XK: variants seen among roughly 807,000 people sequenced by gnomAD.
XK encodes endoplasmic reticulum membrane adapter protein XK.
XK carries 2 observed loss-of-function variants against 14.0 expected under a neutral mutation model. The ratio of observed to expected loss-of-function variants is 0.14; its 90% CI spans 0.06 to 0.45. The LOEUF (loss-of-function observed/expected upper bound fraction) is 0.45. Among genes scored for constraint, XK ranks in the 20% least tolerant of loss-of-function variants. The pLI is 0.98. For synonymous variants in XK, 149 were observed against 147.5 expected, an observed-to-expected ratio of 1.01 and a Z score of -0.08; for missense variants, 235 against 341.5, an observed-to-expected ratio of 0.69 and a Z score of 2.46.
chrX:37,710,080 C>T lies in XK; in HGVS notation c.508+15532C>T, dbSNP rs148010646. Among the ~76,000 whole-genome samples, 601 of 112,251 alleles carry T rather than the reference C, an allele frequency of 5.4e-3. 7 individuals are homozygous for T. The highest frequency in any genetic ancestry group is 0.019 in the African/African-American group (580 of 30,902). The stretch of plus-strand genomic sequence containing the variant: ...ACCAGACTTTCTGTTGCCTGTCACC[C>T]AATAGGGACTAGATTTCTGTAAACC... On this transcript the variant is annotated intron_variant, in intron 2 of 2. Coordinates refer to ENST00000378616, the MANE Select transcript of XK (RefSeq NM_021083.4).
intron 1 of XK, among the ~76,000 whole-genome samples, chrX:37,688,888 A>G (rs782143490): frequency 8.9e-6 from 1 of 111,984 alleles, no homozygotes; most frequent in Non-Finnish European, 1.9e-5. Context: ...GAGTGATAAT[A>G]TCCTGGAAAA....
chrX:37,702,532 A>G lies in XK; in HGVS notation c.508+7984A>G, dbSNP rs782481235. Among the ~76,000 whole-genome samples the G allele has an allele frequency of 2.3e-3, 258 of 112,155 alleles. 1 individual carries two copies. The highest frequency in any genetic ancestry group is 3.9e-3 in the Non-Finnish European group (209 of 53,244). ...ATGAGCTGGTAGCATTTGAAAATCA[A>G]TAACATTTTACCTGAAAGTCTGGAT... On this transcript the variant is annotated intron_variant, in intron 2 of 2. Coordinates refer to ENST00000378616, the MANE Select transcript of XK (RefSeq NM_021083.4).
intron 2 of XK, among the ~76,000 whole-genome samples, chrX:37,698,400 T>C (rs1427992183): frequency 9.2e-6 from 1 of 109,190 alleles, no homozygotes; most frequent in Non-Finnish European, 1.9e-5. Context: ...CCCAGGAGTT[T>C]GAGACCACCC....
intron 1 of XK, among the ~76,000 whole-genome samples, chrX:37,693,064 C>T (rs1556441750): frequency 9.0e-6 from 1 of 111,245 alleles, no homozygotes; most frequent in Non-Finnish European, 1.9e-5. Flanking sequence ...TTGAGCTCAC[C>T]AGAAAGGTTC....
At chrX:37,727,063 A>G (rs1257458675) in intron 2 of XK, among the ~76,000 whole-genome samples, 3 of 111,749 alleles carry the variant, frequency 2.7e-5, no homozygotes, top group Non-Finnish European at 5.7e-5. Flanking sequence ...AAAGGACTCT[A>G]CATATTCAGA....
At chrX:37,708,144 G>A (rs935194862) in intron 2 of XK, among the ~76,000 whole-genome samples, 9 of 112,205 alleles carry the variant, frequency 8.0e-5, no homozygotes, top group African/African-American at 1.9e-4. Flanking sequence ...GCAGTGAGCC[G>A]AGATGGCAGC....
In XK at chrX:37,730,200, A is replaced by G. The variant is rs1246584709; in HGVS notation, c.*1738A>G. 1 of 111,730 alleles carries G rather than the reference A, an allele frequency of 9.0e-6. No individual in the cohort carries two copies. The highest frequency in any genetic ancestry group is 1.9e-5 in the Non-Finnish European group (1 of 53,119). The allele number at this position is 111,730 out of a possible 1,213,427, so 9.2% of individuals were successfully genotyped here. On this transcript the variant is annotated 3_prime_UTR_variant, in exon 3 of 3. Coordinates refer to ENST00000378616, the MANE Select transcript of XK (RefSeq NM_021083.4). ...CCAAATAAGAATAACACTCAAGACT[A>G]TGTTCTCCATCCCAACACATCACTT... is the stretch of plus-strand genomic sequence containing the variant.
chrX:37,690,578 T>A (rs1238983384), intron 1 of XK, among the ~76,000 whole-genome samples: 1 of 111,459 alleles, frequency 9.0e-6, no homozygotes, highest in Admixed American at 9.5e-5. Flanking sequence ...TTATCTACAT[T>A]GGGGTTAGCA....
chrX:37,728,117 C>T lies in XK; in HGVS notation c.990C>T (p.Ile330=), dbSNP rs1556450474. The part of the protein sequence containing the change: ...YYMIRFIENA[I]LLLLWYLFKT... ...TGATAAGATTCATCGAGAATGCCAT[C>T]CTCCTCCTCCTGTGGTATCTTTTCA... The change falls in exon 3 of 3, where the codon ATC becomes ATT. Residue 330 remains isoleucine (I), a synonymous_variant. Coordinates refer to ENST00000378616, the MANE Select transcript of XK (RefSeq NM_021083.4). The T allele has an allele frequency of 8.3e-7, 1 of 1,211,008 alleles. No individual in the cohort carries two copies. Among genetic ancestry groups the T allele is most frequent in the Admixed American group, 2.2e-5 (1 of 45,961 alleles).
rs1928009770 is a variant in XK at position 37,727,875 on chromosome X, T to C, written c.748T>C (p.Leu250=). Residue 250 remains leucine, a synonymous_variant, in exon 3 of 3, where the codon TTG becomes CTG. Transcript: ENST00000378616. The part of the protein sequence containing the change: ...IILINFFSFF[L]YPWILFWCSG... Reference sequence around the variant, plus strand: ...ACTCATCAACTTCTTCAGTTTCTTCTTGTACCCCTGGATCCTCTTCTGGTG... The same window carrying C: ...ACTCATCAACTTCTTCAGTTTCTTCCTGTACCCCTGGATCCTCTTCTGGTG... The C allele has an allele frequency of 1.7e-6, 2 of 1,211,246 alleles. No individual in the cohort carries two copies. The highest frequency in any genetic ancestry group is 1.1e-6 in the Non-Finnish European group (1 of 895,293).
chrX:37,724,468 A>G (rs189859750), intron 2 of XK, among the ~76,000 whole-genome samples: 1 of 111,425 alleles, frequency 9.0e-6, no homozygotes, highest in Admixed American at 9.5e-5. Context: ...TTCTAGACAC[A>G]GACCTTACAC....
At chrX:37,718,122 A>G (rs946850779) in intron 2 of XK, among the ~76,000 whole-genome samples, 2 of 111,588 alleles carry the variant, frequency 1.8e-5, no homozygotes, top group African/African-American at 6.5e-5. Context: ...TACTCATCAT[A>G]AGGGCAAATC....
At position 37,730,612 on chromosome X, in the gene XK, C is replaced by T. The variant is rs924967981; in HGVS notation, c.*2150C>T. On this transcript the variant is annotated 3_prime_UTR_variant, in exon 3 of 3. Transcript: ENST00000378616. ...CAGTGGCAAATGGTAGGGGCAATAG[C>T]GCTCCCTTTTCACCTGAAATGCCTT... 1.8e-5 allele frequency: 2 copies of T among 112,214 alleles called. No individual in the cohort carries two copies. Among genetic ancestry groups the T allele is most frequent in the African/African-American group, 6.5e-5 (2 of 30,850 alleles). 9.2% of individuals were successfully genotyped at this position (112,214 alleles called of 1,213,427 possible). A position where few individuals can be genotyped will look rare whatever the true frequency, so the allele number is the denominator to read the frequency against.
chrX:37,728,702 TC>T lies in XK; in HGVS notation c.*241del, dbSNP rs1928028883. The stretch of plus-strand genomic sequence containing the variant: ...CAGTTCACAGGTAACCATGTTGTGT[TC>T]TTCTAGGCATTACTGGCCTTTTCAC... On this transcript the variant is annotated 3_prime_UTR_variant, in exon 3 of 3. Coordinates refer to ENST00000378616, the MANE Select transcript of XK (RefSeq NM_021083.4). The T allele has an allele frequency of 2.5e-6, 1 of 406,113 alleles. No homozygotes were observed. The highest frequency in any genetic ancestry group is 4.2e-5 in the East Asian group (1 of 23,972). The allele number at this position is 406,113 out of a possible 1,213,427, so 33.5% of individuals were successfully genotyped here.
chrX:37,694,184 A>G, intron 1 of XK, 102 bp from the exon 2 acceptor site: 1 of 1,083,930 alleles, frequency 9.2e-7, no homozygotes, highest in Non-Finnish European at 1.3e-6. Context: ...CAGAGTAGCC[A>G]AGTCAAGGCT....
intron 1 of XK, among the ~76,000 whole-genome samples, chrX:37,689,836 A>G (rs1420524813): frequency 8.9e-6 from 1 of 112,468 alleles, no homozygotes; most frequent in Non-Finnish European, 1.9e-5. Context: ...CAGAGCAGGG[A>G]AAAGATCTCT....
intron 2 of XK, among the ~76,000 whole-genome samples, chrX:37,723,627 A>G (rs782467735): frequency 9.0e-6 from 1 of 111,544 alleles, no homozygotes; most frequent in African/African-American, 3.2e-5. Flanking sequence ...AAATGGATAG[A>G]TACTAGAAAA....
chrX:37,691,678 G>T (rs1156565639), intron 1 of XK, among the ~76,000 whole-genome samples: 1 of 112,336 alleles, frequency 8.9e-6, no homozygotes, highest in South Asian at 3.7e-4. Context: ...GTGGGTATGT[G>T]TGTGTAATCT....
Position 37,730,690 on chromosome X carries a change from C to G in XK, c.*2228C>G. Reference sequence around the variant, plus strand: ...GGAGTAGCCACCAGCCTCCCACTGACTAGGCATGTTAGGAATTAGACAAGG... The same window carrying G: ...GGAGTAGCCACCAGCCTCCCACTGAGTAGGCATGTTAGGAATTAGACAAGG... On this transcript the variant is annotated 3_prime_UTR_variant, in exon 3 of 3. Transcript: ENST00000378616. 8.9e-6 allele frequency: 1 copy of G among 112,515 alleles called. No individual in the cohort carries two copies. Among genetic ancestry groups the G allele is most frequent in the African/African-American group, 3.2e-5 (1 of 30,963 alleles). 9.3% of individuals were successfully genotyped at this position (112,515 alleles called of 1,213,427 possible).
Sources: allele counts gnomAD v4.1 joint callset (sites outside exome capture counted in the v4.1 genomes callset), GRCh38; gene constraint gnomAD v4.1.1; transcripts MANE v1.5; gene names NCBI Gene and HGNC (gene_info 2026-07-23, HGNC 2026-07-21).